Variants in KATNAL2 observed in about 807,000 individuals in gnomAD.
KATNAL2 encodes katanin catalytic subunit A1 like 2.
Under a neutral mutation model 76.3 loss-of-function variants are expected in KATNAL2, and 52 were observed. That is an observed-to-expected ratio of 0.68 (90% CI 0.55 to 0.86). KATNAL2 has a LOEUF of 0.86. KATNAL2 is among the 40% of genes least tolerant of loss of function. The probability of loss-of-function intolerance (pLI) is 0.00; values close to 1 mark genes in which losing one functional copy is unlikely to be tolerated. For synonymous variants in KATNAL2, 243 were observed against 244.2 expected (o/e 1.00, Z 0.05); for missense variants, 660 against 668.9 (o/e 0.99, Z 0.15).
intron 1 of KATNAL2, among the ~76,000 whole-genome samples, chr18:46,943,392 A>C (rs2059300747): frequency 6.6e-6 from 1 of 152,236 alleles, no homozygotes; most frequent in Non-Finnish European, 1.5e-5. Flanking sequence ...GGTCAGCACA[A>C]GATACAGAAC....
chr18:46,919,141 G>C (rs915187457), intron 1 of KATNAL2, among the ~76,000 whole-genome samples: 11 of 150,904 alleles, frequency 7.3e-5, no homozygotes, highest in African/African-American at 2.7e-4. Flanking sequence ...ACTTGAGGTC[G>C]GGAGTTGCAG....
At chr18:47,032,735 A>T (rs2060532891) in intron 3 of KATNAL2, 1 of 580,162 alleles carries the variant, frequency 1.7e-6, no homozygotes, top group Non-Finnish European at 3.0e-6. Flanking sequence ...GGGTGTTTTT[A>T]AAAATTATCA....
At chr18:46,965,985 A>AGTGTGTGTGTGTGT (rs34256789) in intron 3 of KATNAL2, among the ~76,000 whole-genome samples, 1 of 119,396 alleles carries the variant, frequency 8.4e-6, no homozygotes, top group Non-Finnish European at 1.8e-5. Flanking sequence ...TCTCTCTCTC[A>AGTGTGTGTGTGTGT]GTGTGTGTGT....
chr18:46,965,592 C>A (rs1940288912), intron 3 of KATNAL2, among the ~76,000 whole-genome samples: 4 of 100,830 alleles, frequency 4.0e-5, no homozygotes, highest in East Asian at 2.8e-4. Flanking sequence ...CCCCCCCCCC[C>A]CCGCCCCCAA....
intron 3 of KATNAL2, chr18:47,033,473 G>A (rs61743415): frequency 0.015 from 24,714 of 1,614,152 alleles, 224 homozygotes; most frequent in Admixed American, 0.019. Flanking sequence ...TTTTCCTGTG[G>A]CTTTTCTTCC....
intron 1 of KATNAL2, among the ~76,000 whole-genome samples, chr18:46,918,443 C>T (rs1377145397): frequency 6.6e-6 from 1 of 152,192 alleles, no homozygotes; most frequent in African/African-American, 2.4e-5. Flanking sequence ...CACTCCCCTG[C>T]CCCCGCACCC....
intron 4 of KATNAL2, among the ~76,000 whole-genome samples, chr18:47,051,392 C>G (rs1429739047): frequency 6.6e-6 from 1 of 151,074 alleles, no homozygotes. Context: ...GATTGTGCCA[C>G]TCCAGCTTAG....
intron 3 of KATNAL2, among the ~76,000 whole-genome samples, chr18:46,957,492 G>A (rs1019061150): frequency 1.7e-4 from 26 of 150,088 alleles, no homozygotes; most frequent in African/African-American, 6.4e-4. Context: ...CTGAACTCGT[G>A]ATCTGCCCGC....
rs147134201 is a variant in KATNAL2 at position 46,960,789 on chromosome 18, C to T, written c.51+13866C>T. ...TTTAGATATCCCTTACCTAACAAAG[C>T]TTAACAACAAGCTCTGATATGAAGA... On this transcript the variant is annotated intron_variant, in intron 3 of 17. Coordinates refer to ENST00000683218, the MANE Select transcript of KATNAL2 (RefSeq NM_001387690.1). 2.6e-5 allele frequency among the ~76,000 whole-genome samples: 4 copies of T among 152,300 alleles called. No homozygotes were observed. In the East Asian group the frequency reaches 7.7e-4, roughly 29 times the overall value.
At chr18:47,047,946 A>G (rs2061213200) in intron 4 of KATNAL2, among the ~76,000 whole-genome samples, 1 of 152,146 alleles carries the variant, frequency 6.6e-6, no homozygotes, top group South Asian at 2.1e-4. Context: ...GCTTCAAGTG[A>G]TCCTCCTGCC....
At position 47,052,928 on chromosome 18, in the gene KATNAL2, A is replaced by T; in HGVS notation, c.171A>T (p.Leu57Phe). 1 of 1,612,672 alleles carries T rather than the reference A, an allele frequency of 6.2e-7. No homozygotes were observed. The highest frequency in any genetic ancestry group is 8.5e-7 in the Non-Finnish European group (1 of 1,179,434). Reference sequence around the variant, plus strand: ...TGGAGCAAGAAACTAAACTGGGGTTACGACGGTTTGAAGTTTGTGACAACA... The same window carrying T: ...TGGAGCAAGAAACTAAACTGGGGTTTCGACGGTTTGAAGTTTGTGACAACA... ...NALEQETKLG[L>F]RRFEVCDNID... Residue 57 changes from leucine (L) to phenylalanine (F), a missense_variant, in exon 5 of 18, where the codon TTA becomes TTT. Physicochemically the swap from Leu to Phe is conservative, Grantham distance 22 (BLOSUM62 0). Coordinates refer to ENST00000683218, the MANE Select transcript of KATNAL2 (RefSeq NM_001387690.1).
In KATNAL2 at chr18:47,046,437, TA is replaced by T; in HGVS notation, c.52-17del. 6.6e-7 allele frequency: 1 copy of T among 1,525,962 alleles called. No individual in the cohort carries two copies. The highest frequency in any genetic ancestry group is 2.4e-5 in the East Asian group (1 of 40,854). 94.5% of individuals were successfully genotyped at this position (1,525,962 alleles called of 1,614,324 possible). On this transcript the variant is annotated intron_variant, in intron 3 of 17. Coordinates refer to ENST00000683218, the MANE Select transcript of KATNAL2 (RefSeq NM_001387690.1). Reference sequence around the variant, plus strand: ...TGTTATTTTTTGTTGTCATCCTACCTAAATTTTCCTCTGTTCCAGTGCGAGA... The same window carrying T: ...TGTTATTTTTTGTTGTCATCCTACCTAATTTTCCTCTGTTCCAGTGCGAGA...
At chr18:46,952,393 G>GTTTTTTTT (rs35596537) in intron 3 of KATNAL2, among the ~76,000 whole-genome samples, 6 of 64,422 alleles carry the variant, frequency 9.3e-5, no homozygotes, top group Admixed American at 2.6e-4. Context: ...CTGCAGGTAT[G>GTTTTTTTT]TTTTTTTTTT....
intron 6 of KATNAL2, among the ~76,000 whole-genome samples, chr18:47,057,509 C>G (rs56388142): frequency 0.049 from 7,501 of 152,170 alleles, 225 homozygotes; most frequent in African/African-American, 0.089. Flanking sequence ...CTCTTGTAAC[C>G]ACAGTTACAG....
intron 3 of KATNAL2, among the ~76,000 whole-genome samples, chr18:47,040,452 G>A (rs2060924798): frequency 6.6e-6 from 1 of 152,188 alleles, no homozygotes; most frequent in South Asian, 2.1e-4. Flanking sequence ...ATGAAAGGAA[G>A]AGCATTGGCC....
intron 1 of KATNAL2, among the ~76,000 whole-genome samples, chr18:46,939,107 C>T (rs543636662): frequency 6.6e-6 from 1 of 152,050 alleles, no homozygotes; most frequent in African/African-American, 2.4e-5. Context: ...TTTGGGAGGC[C>T]GAGGCGGGCA....
At chr18:46,967,505 G>A (rs1454796663) in intron 3 of KATNAL2, among the ~76,000 whole-genome samples, 2 of 110,536 alleles carry the variant, frequency 1.8e-5, no homozygotes, top group African/African-American at 3.5e-5. Context: ...GTGTGTGTGC[G>A]CGCGCGCGTC....
intron 1 of KATNAL2, among the ~76,000 whole-genome samples, chr18:46,919,401 G>T (rs1256949121): frequency 1.3e-5 from 2 of 152,016 alleles, no homozygotes; most frequent in African/African-American, 2.4e-5. Context: ...CAGGAGAATC[G>T]CTTGAACCCT....
chr18:47,034,460 C>G (rs775238403), intron 3 of KATNAL2: 2 of 1,614,170 alleles, frequency 1.2e-6, no homozygotes, highest in Non-Finnish European at 1.7e-6. Context: ...CTGGCACTTG[C>G]CCAGGAGGGC....
Sources: allele counts gnomAD v4.1 joint callset (sites outside exome capture counted in the v4.1 genomes callset), GRCh38; gene constraint gnomAD v4.1.1; transcripts MANE v1.5; gene names NCBI Gene and HGNC (gene_info 2026-07-23, HGNC 2026-07-21).